NIBAN1: variants seen among roughly 807,000 people sequenced by gnomAD.
The protein encoded by NIBAN1 is niban apoptosis regulator 1.
Under a neutral mutation model 75.1 loss-of-function variants are expected in NIBAN1, and 81 were observed. The ratio of observed to expected loss-of-function variants is 1.08; its 90% CI spans 0.90 to 1.30. The LOEUF is 1.30. Ranked by LOEUF, NIBAN1 falls within the 50% of genes most tolerant of loss-of-function variation. The pLI is 0.00. For missense variants in NIBAN1, 1,133 were observed against 1,128.1 expected, an observed-to-expected ratio of 1.00 and a Z score of -0.06; for synonymous variants, 436 against 424.8, an observed-to-expected ratio of 1.03 and a Z score of -0.32.
At chr1:184,953,578 A>T (rs923514541) in intron 1 of NIBAN1, among the ~76,000 whole-genome samples, 1 of 152,256 alleles carries the variant, frequency 6.6e-6, no homozygotes, top group Non-Finnish European at 1.5e-5. Flanking sequence ...TTTGGTTATC[A>T]GCACACCTTA....
chr1:184,855,369 G>A (rs537446519), intron 5 of NIBAN1, among the ~76,000 whole-genome samples: 1 of 152,108 alleles, frequency 6.6e-6, no homozygotes, highest in Non-Finnish European at 1.5e-5. Context: ...AATCACTATC[G>A]TGTCTTCCCA....
intron 1 of NIBAN1, among the ~76,000 whole-genome samples, chr1:184,919,708 G>A (rs996585254): frequency 6.6e-6 from 1 of 152,038 alleles, no homozygotes; most frequent in Non-Finnish European, 1.5e-5. Context: ...AATGGTAACA[G>A]GTGAGGAATA....
chr1:184,823,842 A>C (rs1654773214), intron 6 of NIBAN1, 100 bp from the exon 7 acceptor site: 1 of 896,158 alleles, frequency 1.1e-6, no homozygotes, highest in Non-Finnish European at 1.8e-6. Flanking sequence ...CCTGTCCCGG[A>C]CCAGATGAAC....
Position 184,824,013 on chromosome 1 carries a change from T to C in NIBAN1, c.718-271A>G, listed in dbSNP as rs113423985. On this transcript the variant is annotated intron_variant, in intron 6 of 13. Transcript: ENST00000367511. Reference sequence around the variant, plus strand: ...CAATGTAAATAACAAATTCCCCAAATTCGAACTTCACATATTCAAACTAGA... The same window carrying C: ...CAATGTAAATAACAAATTCCCCAAACTCGAACTTCACATATTCAAACTAGA... Among the ~76,000 whole-genome samples, 220 of 152,180 alleles carry C rather than the reference T, an allele frequency of 1.4e-3. 1 individual carries two copies. Among genetic ancestry groups the C allele is most frequent in the African/African-American group, 5.1e-3 (210 of 41,512 alleles).
intron 1 of NIBAN1, among the ~76,000 whole-genome samples, chr1:184,941,886 AG>A (rs1658097852): frequency 6.6e-6 from 1 of 152,318 alleles, no homozygotes; most frequent in East Asian, 1.9e-4. Context: ...ACCGGGGTTC[AG>A]TAGCAGATCA....
intron 12 of NIBAN1, 50 bp from the exon 13 acceptor site, chr1:184,798,240 G>T: frequency 9.7e-6 from 11 of 1,134,604 alleles, no homozygotes; most frequent in Non-Finnish European, 1.2e-5. Context: ...TGAGATGCCT[G>T]TTCTTAGAGG....
intron 5 of NIBAN1, among the ~76,000 whole-genome samples, chr1:184,840,020 G>C (rs943463751): frequency 6.6e-6 from 1 of 152,080 alleles, no homozygotes; most frequent in Admixed American, 6.5e-5. Context: ...TTTTACAATT[G>C]AACAGACTGA....
intron 5 of NIBAN1, among the ~76,000 whole-genome samples, chr1:184,879,289 C>G (rs1374897255): frequency 6.6e-6 from 1 of 152,138 alleles, no homozygotes; most frequent in African/African-American, 2.4e-5. Context: ...TCTTCCTTAT[C>G]TATCTCTAAA....
intron 1 of NIBAN1, among the ~76,000 whole-genome samples, chr1:184,961,093 G>A (rs1226960832): frequency 9.4e-6 from 1 of 106,002 alleles, no homozygotes; most frequent in Non-Finnish European, 1.7e-5. Context: ...TTTTCAGACG[G>A]AGTCTTGCTC....
chr1:184,892,502 T>C (rs1255652846), intron 3 of NIBAN1, among the ~76,000 whole-genome samples: 3 of 152,248 alleles, frequency 2.0e-5, no homozygotes, highest in Non-Finnish European at 1.5e-5. Flanking sequence ...AGTGTATTGA[T>C]ACTTTGTTGC....
At chr1:184,828,175 C>T (rs920807531) in intron 6 of NIBAN1, among the ~76,000 whole-genome samples, 1 of 152,024 alleles carries the variant, frequency 6.6e-6, no homozygotes, top group African/African-American at 2.4e-5. Context: ...AATATTTTCA[C>T]CTTAACAGTC....
chr1:184,874,902 C>T (rs1656194322), intron 5 of NIBAN1, among the ~76,000 whole-genome samples: 1 of 151,950 alleles, frequency 6.6e-6, no homozygotes, highest in African/African-American at 2.4e-5. Flanking sequence ...GGCCTATGAG[C>T]TTTTATAAAA....
chr1:184,884,927 A>G, intron 4 of NIBAN1, 127 bp from the exon 5 acceptor site: 1 of 1,191,580 alleles, frequency 8.4e-7, no homozygotes, highest in Non-Finnish European at 1.2e-6. Context: ...AGATATTTTC[A>G]CAGGATAGGG....
intron 5 of NIBAN1, among the ~76,000 whole-genome samples, chr1:184,865,075 G>T (rs113216997): frequency 9.3e-5 from 14 of 150,888 alleles, no homozygotes; most frequent in Non-Finnish European, 1.9e-4. Context: ...TCTCACACCA[G>T]TCAGAATGGC....
chr1:184,902,102 C>T (rs1656971252), intron 1 of NIBAN1, among the ~76,000 whole-genome samples: 1 of 152,048 alleles, frequency 6.6e-6, no homozygotes, highest in Non-Finnish European at 1.5e-5. Context: ...GGCTTGGTGG[C>T]TCTTGCTTGT....
intron 1 of NIBAN1, among the ~76,000 whole-genome samples, chr1:184,972,730 G>C (rs1271665546): frequency 1.3e-5 from 2 of 152,150 alleles, no homozygotes; most frequent in Admixed American, 6.6e-5. Flanking sequence ...TAATTTAATA[G>C]CTTTCAGAAT....
intron 8 of NIBAN1, among the ~76,000 whole-genome samples, chr1:184,821,184 G>A (rs919583424): frequency 2.0e-5 from 3 of 152,210 alleles, no homozygotes; most frequent in Admixed American, 1.3e-4. Context: ...AGCAGAAGTA[G>A]AATAAATACT....
chr1:184,800,788 T>C (rs926030266), intron 12 of NIBAN1, among the ~76,000 whole-genome samples: 7 of 152,222 alleles, frequency 4.6e-5, no homozygotes, highest in Non-Finnish European at 8.8e-5. Context: ...GTTGGGCATA[T>C]ACCTAAAAGT....
chr1:184,834,994 T>C (rs1294210098), intron 5 of NIBAN1, among the ~76,000 whole-genome samples: 1 of 152,246 alleles, frequency 6.6e-6, no homozygotes, highest in Non-Finnish European at 1.5e-5. Flanking sequence ...TTTAAGTCTT[T>C]AATCCATCTT....
Sources: gnomAD v4.1 joint callset for allele counts (sites outside exome capture counted in the v4.1 genomes callset) on GRCh38, gnomAD v4.1.1 for gene constraint, MANE v1.5 for transcripts, NCBI Gene and HGNC (gene_info 2026-07-23, HGNC 2026-07-21) for gene names.